The following C11orf71 variants were observed in gnomAD, a reference collection of about 807,000 sequenced individuals.
C11orf71 encodes chromosome 11 open reading frame 71.
For missense variants in C11orf71, 179 were observed against 167.6 expected, an observed-to-expected ratio of 1.07 and a Z score of -0.38; for synonymous variants, 72 against 73.4, an observed-to-expected ratio of 0.98 and a Z score of 0.09.
downstream of C11orf71, among the ~76,000 whole-genome samples, chr11:114,394,228 C>CTTTCCTTTCCTTTCCTTTCT (rs1946102532): frequency 6.2e-4 from 30 of 48,700 alleles, 2 homozygotes; most frequent in Non-Finnish European, 9.8e-4. Flanking sequence ...CTTTTCTTTT[C>CTTTCCTTTCCTTTCCTTTCT]TTTCTTTTCT....
Position 114,400,494 on chromosome 11 carries a change from G to C in C11orf71, c.-163C>G. 1 of 1,268,212 alleles carries C rather than the reference G, an allele frequency of 7.9e-7. No individual in the cohort carries two copies. The highest frequency in any genetic ancestry group is 1.1e-6 in the Non-Finnish European group (1 of 931,386). The allele number at this position is 1,268,212 out of a possible 1,614,324, so 78.6% of individuals were successfully genotyped here. A position where few individuals can be genotyped will look rare whatever the true frequency, so the allele number is the denominator to read the frequency against. On this transcript the variant is annotated 5_prime_UTR_variant, in exon 1 of 1. Coordinates refer to ENST00000623205, the MANE Select transcript of C11orf71 (RefSeq NM_001271562.2). The stretch of plus-strand genomic sequence containing the variant: ...CAGAAGCCGCCTTGCCTTTAACGAG[G>C]GGTATCCTGGCGAGCATGCGCAGAC...
At chr11:114,394,196 T>TTCTTC (rs1946098166), downstream of C11orf71, among the ~76,000 whole-genome samples, 1 of 42,324 alleles carries the variant, frequency 2.4e-5, no homozygotes, top group Non-Finnish European at 4.3e-5. Flanking sequence ...TTCTTTTCTT[T>TTCTTC]TCTTTTCTTT....
intron 1 of C11orf71, among the ~76,000 whole-genome samples, chr11:114,392,264 G>T (rs1418381044): frequency 1.3e-5 from 2 of 152,054 alleles, no homozygotes; most frequent in African/African-American, 2.4e-5. Context: ...AGGGCTGGGT[G>T]CTGTGGCTTA....
chr11:114,400,455 G>A lies in C11orf71; in HGVS notation c.-124C>T, dbSNP rs1336969144. 1.5e-6 allele frequency: 2 copies of A among 1,362,630 alleles called. No homozygotes were observed. Among genetic ancestry groups the A allele is most frequent in the Non-Finnish European group, 9.8e-7 (1 of 1,018,362 alleles). 84.4% of individuals were successfully genotyped at this position (1,362,630 alleles called of 1,614,324 possible). The stretch of plus-strand genomic sequence containing the variant: ...TAAGCACACAGGAACCCATAACTGA[G>A]CCTGCGGAAGAGCCAGAAGCCGCCT... On this transcript the variant is annotated 5_prime_UTR_variant, in exon 1 of 1. Transcript: ENST00000623205.
chr11:114,392,547 A>AAAAAAAAG (rs1555023952), intron 1 of C11orf71, among the ~76,000 whole-genome samples: 6 of 145,180 alleles, frequency 4.1e-5, no homozygotes, highest in East Asian at 4.2e-4. Context: ...AAAAAAAAAA[A>AAAAAAAAG]AAAGAAGAAG....
At chr11:114,398,120 C>CT (rs1425170821), downstream of C11orf71, among the ~76,000 whole-genome samples, 1 of 152,184 alleles carries the variant, frequency 6.6e-6, no homozygotes, top group Non-Finnish European at 1.5e-5. Context: ...CTAGGCATCT[C>CT]TAAGTTTTAA....
intron 1 of C11orf71, among the ~76,000 whole-genome samples, chr11:114,391,910 G>GT (rs34102225): frequency 0.094 from 13,419 of 142,970 alleles, 885 homozygotes; most frequent in African/African-American, 0.2. Flanking sequence ...AGTTAAAGCT[G>GT]TTTTTTTTTT....
chr11:114,394,899 A>G (rs1273683429), downstream of C11orf71, among the ~76,000 whole-genome samples: 1 of 151,194 alleles, frequency 6.6e-6, no homozygotes, highest in Non-Finnish European at 1.5e-5. Flanking sequence ...GTAATCCTTT[A>G]AGAAAAATTT....
At chr11:114,393,771 T>C (rs76715193), downstream of C11orf71, among the ~76,000 whole-genome samples, 9,910 of 152,240 alleles carry the variant, frequency 0.065, 446 homozygotes, top group African/African-American at 0.13. Context: ...ATACTTTGAA[T>C]TTCATTTGAA....
At chr11:114,394,100 C>T (rs1282573035), downstream of C11orf71, among the ~76,000 whole-genome samples, 1 of 151,916 alleles carries the variant, frequency 6.6e-6, no homozygotes, top group East Asian at 1.9e-4. Flanking sequence ...CTGCCTCAGC[C>T]TCCCAAGTAG....
In C11orf71 at chr11:114,399,629, C is replaced by T. The variant is rs753177237; in HGVS notation, c.*331G>A. 1.5e-4 allele frequency: 36 copies of T among 232,578 alleles called. No homozygotes were observed. The highest frequency in any genetic ancestry group is 3.0e-4 in the Admixed American group (6 of 19,860). 14.4% of individuals were successfully genotyped at this position (232,578 alleles called of 1,614,324 possible). The stretch of plus-strand genomic sequence containing the variant: ...AATAAAAAGGAGCACTTCTTTTTCG[C>T]CAACAGAAGTAAAGGTAAAGGTTAA... On this transcript the variant is annotated 3_prime_UTR_variant, in exon 1 of 1. Transcript: ENST00000623205.
downstream of C11orf71, among the ~76,000 whole-genome samples, chr11:114,395,870 A>G (rs1056357503): frequency 1.3e-5 from 2 of 152,194 alleles, no homozygotes; most frequent in African/African-American, 4.8e-5. Context: ...TCAAACCAGG[A>G]GTGAGAAAAC....
chr11:114,399,014 C>A lies in C11orf71; in HGVS notation c.*946G>T. The A allele has an allele frequency of 6.8e-6, 1 of 146,174 alleles. No homozygotes were observed. The highest frequency in any genetic ancestry group is 6.9e-5 in the Admixed American group (1 of 14,550). 9.1% of individuals were successfully genotyped at this position (146,174 alleles called of 1,614,324 possible). ...TAACAGCAAATAAGGAGTGATCAGC[C>A]AGGTAAGAGAAGAACCAGGATAGTG... On this transcript the variant is annotated 3_prime_UTR_variant, in exon 1 of 1. Transcript: ENST00000623205.
chr11:114,394,214 T>TTTCCTTTCCTTTCCTTTCCTTTCCTTTCC (rs1946100042), downstream of C11orf71, among the ~76,000 whole-genome samples: 4 of 57,046 alleles, frequency 7.0e-5, no homozygotes, highest in Admixed American at 4.0e-4. Context: ...TTTTCTTTTC[T>TTTCCTTTCCTTTCCTTTCCTTTCCTTTCC]TTTCTTTTCT....
intron 1 of C11orf71, among the ~76,000 whole-genome samples, chr11:114,392,529 C>CAAAAAAAAAAAAAAAA: frequency 1.9e-5 from 1 of 51,670 alleles, no homozygotes; most frequent in Non-Finnish European, 3.4e-5. Context: ...TAGAATGAGA[C>CAAAAAAAAAAAAAAAA]AAAAAAAAAA....
downstream of C11orf71, among the ~76,000 whole-genome samples, chr11:114,393,911 C>G (rs1226893957): frequency 6.6e-6 from 1 of 152,164 alleles, no homozygotes; most frequent in Non-Finnish European, 1.5e-5. Context: ...TTGCCAATCC[C>G]TGTCATAGCA....
exon 2 of C11orf71, chr11:114,391,469 A>G (rs1483221089): frequency 1.6e-6 from 1 of 608,906 alleles, no homozygotes; most frequent in South Asian, 7.9e-5. Context: ...TTTTTAATGC[A>G]TATTTCATTC....
rs1344900057 is a variant in C11orf71, at chr11:114,398,615, AAAC to A, written c.*1342_*1344del. The A allele has an allele frequency of 6.6e-6, 1 of 152,214 alleles. No individual in the cohort carries two copies. Among genetic ancestry groups the A allele is most frequent in the Non-Finnish European group, 1.5e-5 (1 of 68,028 alleles). 9.4% of individuals were successfully genotyped at this position (152,214 alleles called of 1,614,324 possible). ...GTAAGTTCTCAATAAATATCTCTAT[AAAC>A]AATAGAAGTCCTAGCACACTGACTT... is the stretch of plus-strand genomic sequence containing the variant. On this transcript the variant is annotated 3_prime_UTR_variant, in exon 1 of 1. Coordinates refer to ENST00000623205, the MANE Select transcript of C11orf71 (RefSeq NM_001271562.2).
At chr11:114,392,548 A>AAAAAAAAAAGAAG (rs1461395379) in intron 1 of C11orf71, among the ~76,000 whole-genome samples, 1 of 124,848 alleles carries the variant, frequency 8.0e-6, no homozygotes, top group Non-Finnish European at 1.7e-5. Context: ...AAAAAAAAAA[A>AAAAAAAAAAGAAG]AAGAAGAAGA....
Sources: allele counts gnomAD v4.1 joint callset (sites outside exome capture counted in the v4.1 genomes callset), GRCh38; gene constraint gnomAD v4.1.1; transcripts MANE v1.5; gene names NCBI Gene and HGNC (gene_info 2026-07-23, HGNC 2026-07-21).